Variants in FSTL4 observed in about 807,000 individuals in gnomAD.
FSTL4 encodes follistatin-related protein 4.
A neutral mutation model predicts 78.2 loss-of-function variants in FSTL4; 28 were observed. The observed-to-expected ratio is 0.36, with a 90% CI of 0.27 to 0.49. The LOEUF (loss-of-function observed/expected upper bound fraction) is 0.49. FSTL4 is among the 20% of genes least tolerant of loss of function. The pLI, the probability that FSTL4 is intolerant of heterozygous loss-of-function variation, is 0.98. For missense variants in FSTL4, 922 were observed against 1,084.9 expected, an observed-to-expected ratio of 0.85 and a Z score of 2.11; for synonymous variants, 422 against 440.5, an observed-to-expected ratio of 0.96 and a Z score of 0.53.
chr5:133,769,135 T>C, the FSTL4 span, among the ~76,000 whole-genome samples: 10 of 152,266 alleles, frequency 6.6e-5, no homozygotes, highest in African/African-American at 2.4e-4. Context: ...ATCTTCTTGA[T>C]TCGCCCAGGT....
chr5:133,742,026 C>T, the FSTL4 span, among the ~76,000 whole-genome samples: 2 of 152,212 alleles, frequency 1.3e-5, no homozygotes, highest in African/African-American at 2.4e-5. Context: ...TGGTGCTTGG[C>T]CCCACCAGAG....
At chr5:133,482,308 G>T (rs527890332) in intron 3 of FSTL4, among the ~76,000 whole-genome samples, 4 of 152,272 alleles carry the variant, frequency 2.6e-5, no homozygotes, top group Non-Finnish European at 5.9e-5. Context: ...GTTTCTGGCT[G>T]GCACTACCCT....
rs184513763 is a variant in FSTL4 at position 133,531,450 on chromosome 5, C to T, written c.160+35736G>A. On this transcript the variant is annotated intron_variant, in intron 3 of 15. Transcript: ENST00000265342. ...GCGTCCTACTTCTGCCGTGGAATAT[C>T]CCCTGGAAAGACTGAGGGCCAGAGC... Among the ~76,000 whole-genome samples, 502 of 152,252 alleles carry T rather than the reference C, an allele frequency of 3.3e-3. 1 individual carries two copies. In the Middle Eastern group the frequency reaches 0.065, roughly 20 times the overall value.
chr5:133,426,288 G>T lies in FSTL4; in HGVS notation c.161-25302C>A, dbSNP rs1283390690. Among the ~76,000 whole-genome samples, 2 of 152,220 alleles carry T rather than the reference G, an allele frequency of 1.3e-5. No individual in the cohort carries two copies. Among genetic ancestry groups the T allele is most frequent in the Admixed American group, 6.5e-5 (1 of 15,284 alleles). On this transcript the variant is annotated intron_variant, in intron 3 of 15. Coordinates refer to ENST00000265342, the MANE Select transcript of FSTL4 (RefSeq NM_015082.2). This position sits in a 1 kb window ranked among gnomAD's most constrained non-coding sequence, Gnocchi z 5.0. ...CACAGGGAGCAAAGGATAGCCGGGAGTCTGGGGAGGTGAGAGGGGGAGACC... is the reference window on the plus strand; with the variant it reads ...CACAGGGAGCAAAGGATAGCCGGGATTCTGGGGAGGTGAGAGGGGGAGACC...
At chr5:133,780,765 T>C in the FSTL4 span, among the ~76,000 whole-genome samples, 1 of 1,084 alleles carries the variant, frequency 9.2e-4, no homozygotes, top group African/African-American at 0.022. Context: ...CTCATTTTCC[T>C]GTTGGGAAAT....
intron 3 of FSTL4, among the ~76,000 whole-genome samples, chr5:133,467,190 ATG>A (rs1757731656): frequency 6.7e-6 from 1 of 149,622 alleles, no homozygotes; most frequent in Non-Finnish European, 1.5e-5. Context: ...GTATGCGTGT[ATG>A]TGAGTATATG....
At chr5:133,474,346 T>C (rs1195147668) in intron 3 of FSTL4, among the ~76,000 whole-genome samples, 3 of 152,100 alleles carry the variant, frequency 2.0e-5, no homozygotes, top group South Asian at 4.2e-4. Context: ...GAACTGCAAG[T>C]GCCAGTGCCC....
At chr5:133,506,295 T>G (rs1257054344) in intron 3 of FSTL4, among the ~76,000 whole-genome samples, 1 of 152,174 alleles carries the variant, frequency 6.6e-6, no homozygotes, top group Non-Finnish European at 1.5e-5. Flanking sequence ...AGGCAGGGGA[T>G]TTGTTTGACA....
chr5:133,222,074 C>G (rs1751153871), intron 11 of FSTL4, among the ~76,000 whole-genome samples: 1 of 151,898 alleles, frequency 6.6e-6, no homozygotes, highest in Admixed American at 6.6e-5. Flanking sequence ...CCTTGGCACC[C>G]AGAGGCACTA....
At chr5:133,219,463 G>A (rs1304851712) in intron 12 of FSTL4, among the ~76,000 whole-genome samples, 53 of 152,320 alleles carry the variant, frequency 3.5e-4, no homozygotes, top group Non-Finnish European at 5.7e-4. Context: ...ACCTGACTCT[G>A]AAGGCTATGC....
the FSTL4 span, among the ~76,000 whole-genome samples, chr5:133,632,720 C>G: frequency 6.6e-6 from 1 of 152,094 alleles, no homozygotes; most frequent in African/African-American, 2.4e-5. Flanking sequence ...GGGTCTTGCT[C>G]TGTTGCCCAG....
chr5:133,500,567 G>T (rs1405570924), intron 3 of FSTL4, among the ~76,000 whole-genome samples: 1 of 151,874 alleles, frequency 6.6e-6, no homozygotes, highest in Non-Finnish European at 1.5e-5. Flanking sequence ...TGACTCTAGG[G>T]GTGTCATGTC....
At chr5:133,270,979 T>C (rs1242341486) in intron 6 of FSTL4, among the ~76,000 whole-genome samples, 3 of 152,192 alleles carry the variant, frequency 2.0e-5, no homozygotes, top group African/African-American at 4.8e-5. Context: ...AACACTTGGC[T>C]CTCTGAGGTT....
the FSTL4 span, among the ~76,000 whole-genome samples, chr5:133,672,460 C>A: frequency 6.6e-6 from 1 of 152,220 alleles, no homozygotes; most frequent in Non-Finnish European, 1.5e-5. Context: ...GATACAGTGG[C>A]TGAGTTAGAA....
the FSTL4 span, among the ~76,000 whole-genome samples, chr5:133,758,529 C>T: frequency 6.6e-6 from 1 of 152,034 alleles, no homozygotes; most frequent in Non-Finnish European, 1.5e-5. Flanking sequence ...TTGCCTCTCC[C>T]CAAAATAAGT....
chr5:133,452,295 C>T (rs1757399524), intron 3 of FSTL4, among the ~76,000 whole-genome samples: 1 of 152,354 alleles, frequency 6.6e-6, no homozygotes, highest in East Asian at 1.9e-4. Flanking sequence ...GTTGTATCAT[C>T]CTTTGCTCAT....
intron 3 of FSTL4, among the ~76,000 whole-genome samples, chr5:133,453,045 A>T (rs985426693): frequency 1.3e-5 from 2 of 152,238 alleles, no homozygotes; most frequent in South Asian, 4.1e-4. Flanking sequence ...CTGTGCACAT[A>T]CAGGCTCAAA....
At chr5:133,669,063 G>A in the FSTL4 span, among the ~76,000 whole-genome samples, 6 of 152,198 alleles carry the variant, frequency 3.9e-5, no homozygotes, top group African/African-American at 1.4e-4. Context: ...AATAATTCCA[G>A]CCTCACAGAG....
At chr5:133,660,115 A>T in the FSTL4 span, among the ~76,000 whole-genome samples, 4 of 152,242 alleles carry the variant, frequency 2.6e-5, no homozygotes, top group Non-Finnish European at 4.4e-5. Flanking sequence ...ATGTCCCTAA[A>T]TCATTTTCTT....
Sources: gnomAD v4.1 joint callset for allele counts (sites outside exome capture counted in the v4.1 genomes callset) on GRCh38, gnomAD v4.1.1 for gene constraint, Gnocchi (gnomAD v3.1) non-coding constraint, MANE v1.5 for transcripts, NCBI Gene and HGNC (gene_info 2026-07-23, HGNC 2026-07-21) for gene names.